The following MAN1A1 variants were observed in gnomAD, a reference collection of about 807,000 sequenced individuals.
MAN1A1 encodes mannosidase alpha class 1A member 1, also known as mannosyl-oligosaccharide 1,2-alpha-mannosidase IA.
A neutral mutation model predicts 70.8 loss-of-function variants in MAN1A1; 29 were observed. The ratio of observed to expected loss-of-function variants is 0.41; its 90% CI spans 0.31 to 0.56. MAN1A1 has a LOEUF of 0.56. MAN1A1 is among the 20% of genes least tolerant of loss of function. MAN1A1 has a pLI of 0.29. For synonymous variants in MAN1A1, 349 were observed against 330.1 expected, an observed-to-expected ratio of 1.06 and a Z score of -0.62; for missense variants, 747 against 841.3, an observed-to-expected ratio of 0.89 and a Z score of 1.39.
intron 6 of MAN1A1, among the ~76,000 whole-genome samples, chr6:119,243,710 A>T (rs1388745140): frequency 1.3e-5 from 2 of 152,132 alleles, no homozygotes; most frequent in African/African-American, 4.8e-5. Context: ...TTATAATAAT[A>T]TAAACTGTAA....
chr6:119,338,980 C>G (rs759760824), intron 2 of MAN1A1, among the ~76,000 whole-genome samples: 5 of 152,186 alleles, frequency 3.3e-5, no homozygotes, highest in Non-Finnish European at 7.3e-5. Context: ...GATTTCACTC[C>G]TTAGGCCTCC....
At chr6:119,299,538 A>C (rs1447515227) in intron 4 of MAN1A1, among the ~76,000 whole-genome samples, 3 of 152,146 alleles carry the variant, frequency 2.0e-5, no homozygotes, top group African/African-American at 7.2e-5. Flanking sequence ...AACAGGCCTA[A>C]AATATATATG....
intron 2 of MAN1A1, among the ~76,000 whole-genome samples, chr6:119,337,260 T>C (rs1773477542): frequency 6.6e-6 from 1 of 151,972 alleles, no homozygotes; most frequent in Admixed American, 6.6e-5. Flanking sequence ...CTTCTGACTG[T>C]TGTAAAAAAA....
chr6:119,180,518 C>CTTT (rs1465957710), intron 11 of MAN1A1, 91 bp from the exon 12 acceptor site: 3 of 696,996 alleles, frequency 4.3e-6, no homozygotes, highest in East Asian at 5.5e-5. Context: ...TCAGATAAAA[C>CTTT]ATTTTTTTTT....
rs189199494 is a variant in MAN1A1, at chr6:119,236,074, G to A, written c.992+12186C>T. Among the ~76,000 whole-genome samples, 10 of 149,968 alleles carry A rather than the reference G, an allele frequency of 6.7e-5. No homozygotes were observed. The East Asian group carries it at 9.9e-4, about 15-fold the overall frequency. ...GAATTGCTTGAACCAGGGAGGTGGA[G>A]CAGTAAGCTGAGGTTGTACCACTGC... On this transcript the variant is annotated intron_variant, in intron 6 of 12. Transcript: ENST00000368468.
At chr6:119,193,980 C>T in intron 8 of MAN1A1, 88 bp from the exon 9 acceptor site, 1 of 696,446 alleles carries the variant, frequency 1.4e-6, no homozygotes, top group South Asian at 1.7e-5. Context: ...AGGATGCAAC[C>T]CTATGTCAAC....
chr6:119,282,334 C>G (rs936495757), intron 5 of MAN1A1, among the ~76,000 whole-genome samples: 5 of 152,270 alleles, frequency 3.3e-5, no homozygotes, highest in African/African-American at 1.2e-4. Flanking sequence ...TGCAGAGGGA[C>G]AAACAGAACA....
chr6:119,249,308 T>C (rs750221199), intron 5 of MAN1A1, among the ~76,000 whole-genome samples: 2 of 152,198 alleles, frequency 1.3e-5, no homozygotes, highest in Non-Finnish European at 2.9e-5. Context: ...AAAACTTTCA[T>C]TCTGGTTAGA....
At chr6:119,224,098 AGAAGAGGTGGG>A (rs1183197750) in intron 6 of MAN1A1, among the ~76,000 whole-genome samples, 2 of 152,220 alleles carry the variant, frequency 1.3e-5, no homozygotes, top group Admixed American at 1.3e-4. Context: ...AGTAAGCCAT[AGAAGAGGTGGG>A]ACCAAAACAC....
intron 2 of MAN1A1, among the ~76,000 whole-genome samples, chr6:119,329,438 C>T (rs553243854): frequency 9.4e-5 from 14 of 148,236 alleles, no homozygotes; most frequent in Non-Finnish European, 1.8e-4. Flanking sequence ...ATGAGAGATT[C>T]CTTTTTATAA....
intron 9 of MAN1A1, 43 bp from the exon 10 acceptor site, chr6:119,189,926 C>A: frequency 1.4e-6 from 2 of 1,385,902 alleles, no homozygotes; most frequent in Non-Finnish European, 2.0e-6. Context: ...AATCTCTTCT[C>A]AAATTTATAC....
At chr6:119,213,278 A>G (rs1290934691) in intron 6 of MAN1A1, among the ~76,000 whole-genome samples, 1 of 152,252 alleles carries the variant, frequency 6.6e-6, no homozygotes, top group Non-Finnish European at 1.5e-5. Context: ...ACTCTCAAAC[A>G]GATGCTGAAG....
intron 2 of MAN1A1, among the ~76,000 whole-genome samples, chr6:119,312,130 A>C (rs901124178): frequency 1.3e-5 from 2 of 152,100 alleles, no homozygotes; most frequent in African/African-American, 4.8e-5. Context: ...TTGGGGACAC[A>C]AGGGGCTGTG....
chr6:119,327,803 T>C (rs1036554859), intron 2 of MAN1A1, among the ~76,000 whole-genome samples: 2 of 152,134 alleles, frequency 1.3e-5, no homozygotes, highest in African/African-American at 4.8e-5. Context: ...GTGTACACCA[T>C]AAATATATAC....
intron 4 of MAN1A1, among the ~76,000 whole-genome samples, chr6:119,299,442 AT>A (rs1193549894): frequency 6.6e-6 from 1 of 152,098 alleles, no homozygotes; most frequent in Non-Finnish European, 1.5e-5. Flanking sequence ...ATTTTTTGAA[AT>A]ATGTATATTT....
chr6:119,241,832 C>T (rs560940698), intron 6 of MAN1A1, among the ~76,000 whole-genome samples: 2 of 151,754 alleles, frequency 1.3e-5, no homozygotes, highest in East Asian at 1.9e-4. Flanking sequence ...TTAAAAAATG[C>T]CAGAATTTTA....
At chr6:119,319,998 G>A (rs778087987) in intron 2 of MAN1A1, among the ~76,000 whole-genome samples, 3 of 151,776 alleles carry the variant, frequency 2.0e-5, no homozygotes, top group South Asian at 2.1e-4. Context: ...TTTAAGAGAC[G>A]GAGTCTTGCT....
chr6:119,346,212 C>A (rs1295386), intron 2 of MAN1A1, among the ~76,000 whole-genome samples: 2 of 151,394 alleles, frequency 1.3e-5, no homozygotes, highest in African/African-American at 4.9e-5. Flanking sequence ...AATCCAAATA[C>A]GTAAAGTTAA....
intron 6 of MAN1A1, among the ~76,000 whole-genome samples, chr6:119,233,930 A>G (rs1480705322): frequency 1.3e-5 from 2 of 152,260 alleles, no homozygotes; most frequent in Non-Finnish European, 2.9e-5. Flanking sequence ...AATACTTTGT[A>G]AAGAGCTGGA....
Sources: allele counts gnomAD v4.1 joint callset (sites outside exome capture counted in the v4.1 genomes callset), GRCh38; gene constraint gnomAD v4.1.1; transcripts MANE v1.5; gene names NCBI Gene and HGNC (gene_info 2026-07-23, HGNC 2026-07-21).